The following NELFA variants were observed in gnomAD, a reference collection of about 807,000 sequenced individuals.
The protein encoded by NELFA is negative elongation factor complex member A, also known as negative elongation factor A.
A neutral mutation model predicts 51.8 loss-of-function variants in NELFA; 35 were observed. That is an observed-to-expected ratio of 0.68 (90% CI 0.52 to 0.90). NELFA has a LOEUF of 0.90. NELFA is among the 40% of genes least tolerant of loss of function. NELFA has a pLI of 0.00. For missense variants in NELFA, 658 were observed against 746.4 expected (o/e 0.88, Z 1.38); for synonymous variants, 417 against 338.4 (o/e 1.23, Z -2.55).
intron 4 of NELFA, 161 bp downstream of exon 4, chr4:1,987,757 G>A (rs561005512): frequency 3.2e-5 from 19 of 601,636 alleles, no homozygotes; most frequent in South Asian, 2.0e-4. Flanking sequence ...GGGAGAAGCC[G>A]GTGAAATTGC....
intron 4 of NELFA, among the ~76,000 whole-genome samples, chr4:1,986,741 G>A (rs536525657): frequency 1.4e-5 from 2 of 142,630 alleles, no homozygotes; most frequent in South Asian, 2.3e-4. Flanking sequence ...CCAGGCGCCT[G>A]GGCTTGAGGG....
intron 8 of NELFA, 120 bp from the exon 9 acceptor site, chr4:1,984,233 C>A: frequency 8.0e-7 from 1 of 1,246,718 alleles, no homozygotes; most frequent in South Asian, 1.6e-5. Flanking sequence ...CTGACAAGAA[C>A]TCCCTGTGGC....
At chr4:1,992,303 C>A in intron 1 of NELFA, 1 of 246,356 alleles carries the variant, frequency 4.1e-6, no homozygotes, top group Non-Finnish European at 8.2e-6. Context: ...GCTCGTGGAG[C>A]CTGGAGGTGG....
rs187847400 is a variant in NELFA at position 1,992,735 on chromosome 4, C to A, written c.211-1020G>T. ...GCCTCTGAGTGGGAGGACCTTCCAG[C>A]GCTTCCCTCACTGTCCTCATGGGCT... On this transcript the variant is annotated intron_variant, in intron 1 of 10. Coordinates refer to ENST00000382882, the MANE Select transcript of NELFA (RefSeq NM_005663.5). 22 of 191,460 alleles carry A rather than the reference C, an allele frequency of 1.1e-4. No individual in the cohort carries two copies. The East Asian group carries it at 3.4e-3, about 30-fold the overall frequency. 11.9% of individuals were successfully genotyped at this position (191,460 alleles called of 1,614,324 possible).
intron 1 of NELFA, chr4:1,991,930 C>G (rs1728282726): frequency 2.0e-6 from 1 of 498,286 alleles, no homozygotes; most frequent in South Asian, 2.8e-5. Flanking sequence ...GGTTGCAAGG[C>G]CCCGGCATCC....
chr4:1,993,948 C>T (rs192719963), intron 1 of NELFA, among the ~76,000 whole-genome samples: 1 of 152,302 alleles, frequency 6.6e-6, no homozygotes, highest in Admixed American at 6.5e-5. Flanking sequence ...ATCCAGGCGC[C>T]ACCACCACGC....
In NELFA at chr4:1,989,968, G is replaced by A; in HGVS notation, c.383-99C>T. On this transcript the variant is annotated intron_variant, in intron 2 of 10. Transcript: ENST00000382882. This position sits in a 1 kb window ranked among gnomAD's most constrained non-coding sequence, Gnocchi z 4.8. ...CCCAGCCCCACACCCTCCTCAGTTA[G>A]GGTTAGGTCATGGGAGCTTCGGCTG... 5 of 1,447,476 alleles carry A rather than the reference G, an allele frequency of 3.5e-6. No homozygotes were observed. The South Asian group carries it at 5.4e-5, about 16-fold the overall frequency. 89.7% of individuals were successfully genotyped at this position (1,447,476 alleles called of 1,614,324 possible).
In NELFA at chr4:1,989,348, G is replaced by A. The variant is rs576755711; in HGVS notation, c.544+360C>T. On this transcript the variant is annotated intron_variant, in intron 3 of 10. Coordinates refer to ENST00000382882, the MANE Select transcript of NELFA (RefSeq NM_005663.5). This position sits in a 1 kb window ranked among gnomAD's most constrained non-coding sequence, Gnocchi z 4.8. Reference sequence around the variant, plus strand: ...TGCAGAACTTTATCTTCTTTTTCTTGAGACAGGGTCTCACTCTCTCCCAGG... The same window carrying A: ...TGCAGAACTTTATCTTCTTTTTCTTAAGACAGGGTCTCACTCTCTCCCAGG... Among the ~76,000 whole-genome samples, 41 of 151,972 alleles carry A rather than the reference G, an allele frequency of 2.7e-4. No individual in the cohort carries two copies. The highest frequency in any genetic ancestry group is 9.9e-4 in the African/African-American group (41 of 41,444).
At position 1,991,438 on chromosome 4, in the gene NELFA, C is replaced by A. The variant is rs984647515; in HGVS notation, c.382+106G>T. The A allele has an allele frequency of 1.2e-4, 144 of 1,163,282 alleles. 1 individual carries two copies. Among genetic ancestry groups the A allele is most frequent in the Non-Finnish European group, 1.2e-4 (99 of 800,192 alleles). The allele number at this position is 1,163,282 out of a possible 1,614,324, so 72.1% of individuals were successfully genotyped here. On this transcript the variant is annotated intron_variant, in intron 2 of 10. Transcript: ENST00000382882. ...AGTTAATATTCTAGGGACCAGGACA[C>A]ACGGAAAAACGTAAAGGTCTAAAAA... is the stretch of plus-strand genomic sequence containing the variant.
Position 1,983,285 on chromosome 4 carries a change from C to T in NELFA, c.*34G>A, listed in dbSNP as rs2109051602. On this transcript the variant is annotated 3_prime_UTR_variant, in exon 11 of 11. Coordinates refer to ENST00000382882, the MANE Select transcript of NELFA (RefSeq NM_005663.5). ...GGCAAAGCCATCGTCCCGTGGACCC[C>T]CACAAGTGACGGCCAGCTGTGAGGC... 2 of 1,593,868 alleles carry T rather than the reference C, an allele frequency of 1.3e-6. No individual in the cohort carries two copies. The highest frequency in any genetic ancestry group is 4.5e-5 in the East Asian group (2 of 44,484).
At chr4:1,999,119 A>C (rs1037572486) in intron 1 of NELFA, among the ~76,000 whole-genome samples, 2 of 152,052 alleles carry the variant, frequency 1.3e-5, no homozygotes, top group Non-Finnish European at 2.9e-5. Flanking sequence ...TGTTACCACC[A>C]GCCCCGCCCC....
Position 1,983,415 on chromosome 4 carries a change from G to A in NELFA, c.1491C>T (p.Ser497=), listed in dbSNP as rs1727956743. Residue 497 remains serine, a synonymous_variant, in exon 11 of 11, where the codon AGC becomes AGT. Transcript: ENST00000382882. The part of the protein sequence containing the change: ...EDLPKADGQG[S]TTMLVDTVFE... Reference sequence around the variant, plus strand: ...ACACTGTGTCCACCAGCATGGTTGTGCTACCCTGGCCGTCCGCCTTGGGCA... The same window carrying A: ...ACACTGTGTCCACCAGCATGGTTGTACTACCCTGGCCGTCCGCCTTGGGCA... The A allele has an allele frequency of 6.2e-7, 1 of 1,614,104 alleles. No homozygotes were observed. The highest frequency in any genetic ancestry group is 1.3e-5 in the African/African-American group (1 of 74,944).
rs538552641 is a variant in NELFA, at chr4:1,988,080, T to C, written c.545-73A>G. On this transcript the variant is annotated intron_variant, in intron 3 of 10. Coordinates refer to ENST00000382882, the MANE Select transcript of NELFA (RefSeq NM_005663.5). ...CTTGGCCCTTGTAAAAACATCTCTG[T>C]CAAGTGGATTCATCCGACGGCCTGA... The C allele has an allele frequency of 8.3e-5, 106 of 1,270,496 alleles. No homozygotes were observed. The East Asian group carries it at 1.2e-3, about 15-fold the overall frequency. 78.7% of individuals were successfully genotyped at this position (1,270,496 alleles called of 1,614,324 possible).
At chr4:2,002,956 A>C (rs374819506) in intron 1 of NELFA, among the ~76,000 whole-genome samples, 6 of 152,220 alleles carry the variant, frequency 3.9e-5, no homozygotes, top group African/African-American at 1.4e-4. Flanking sequence ...AACCTACAGA[A>C]TGGGAGAAAA....
intron 3 of NELFA, among the ~76,000 whole-genome samples, chr4:1,988,307 G>A (rs985366479): frequency 2.0e-5 from 3 of 152,238 alleles, no homozygotes; most frequent in African/African-American, 4.8e-5. Context: ...CCTCTCCATC[G>A]ACCCGGGCCT....
At chr4:1,996,004 A>G (rs1055058117) in intron 1 of NELFA, among the ~76,000 whole-genome samples, 1 of 152,186 alleles carries the variant, frequency 6.6e-6, no homozygotes, top group Non-Finnish European at 1.5e-5. Flanking sequence ...AAAACAGTTA[A>G]GAATAGAATA....
chr4:1,992,999 C>T lies in NELFA; in HGVS notation c.211-1284G>A, dbSNP rs1396509713. On this transcript the variant is annotated intron_variant, in intron 1 of 10. Coordinates refer to ENST00000382882, the MANE Select transcript of NELFA (RefSeq NM_005663.5). ...CCGACGCCCGCCCGAGCTGAGTGCG[C>T]GATGCGGCAGAAGATGCTACGTGGC... Among the ~76,000 whole-genome samples, 6 of 152,332 alleles carry T rather than the reference C, an allele frequency of 3.9e-5. No individual in the cohort carries two copies. In the South Asian group the frequency reaches 1.0e-3, roughly 26 times the overall value.
intron 2 of NELFA, chr4:1,990,618 G>C (rs1000762087): frequency 4.7e-6 from 2 of 428,544 alleles, no homozygotes; most frequent in Non-Finnish European, 9.6e-6. Context: ...GCCCCTGCAG[G>C]AGTGTGCAGC....
chr4:1,995,006 T>A lies in NELFA; in HGVS notation c.211-3291A>T, dbSNP rs115733416. Among the ~76,000 whole-genome samples the A allele has an allele frequency of 4.6e-3, 695 of 152,346 alleles. 5 individuals carry two copies. Among genetic ancestry groups the A allele is most frequent in the African/African-American group, 0.016 (676 of 41,582 alleles). On this transcript the variant is annotated intron_variant, in intron 1 of 10. Coordinates refer to ENST00000382882, the MANE Select transcript of NELFA (RefSeq NM_005663.5). Reference sequence around the variant, plus strand: ...GGCCATGGGGCACCTGGACAGTTAGTCCCTCATGATTCCAGGTGTGTCTGT... The same window carrying A: ...GGCCATGGGGCACCTGGACAGTTAGACCCTCATGATTCCAGGTGTGTCTGT...
Sources: allele counts gnomAD v4.1 joint callset (sites outside exome capture counted in the v4.1 genomes callset), GRCh38; gene constraint gnomAD v4.1.1; non-coding constraint Gnocchi (gnomAD v3.1); transcripts MANE v1.5; gene names NCBI Gene and HGNC (gene_info 2026-07-23, HGNC 2026-07-21).